Variants in TDP1 observed in about 807,000 individuals in gnomAD.
The protein encoded by TDP1 is tyr-DNA phosphodiesterase 1.
TDP1 carries 64 observed loss-of-function variants against 81.5 expected under a neutral mutation model. The ratio of observed to expected loss-of-function variants is 0.79; its 90% CI spans 0.64 to 0.97. TDP1 has a LOEUF of 0.97. TDP1 is among the 50% of genes least tolerant of loss of function. The pLI, the probability that TDP1 is intolerant of heterozygous loss-of-function variation, is 0.00. For missense variants in TDP1, 723 were observed against 743.8 expected (o/e 0.97, Z 0.33); for synonymous variants, 256 against 264.3 (o/e 0.97, Z 0.30).
At chr14:89,985,354 A>G (rs1895441308) in intron 10 of TDP1, 144 bp downstream of exon 10, 1 of 612,536 alleles carries the variant, frequency 1.6e-6, no homozygotes, top group East Asian at 2.9e-5. Flanking sequence ...GATAATTATA[A>G]TTCTTAGTAA....
Position 89,967,396 on chromosome 14 carries a change from C to A in TDP1, c.633C>A (p.Leu211=). The change falls in exon 5 of 17, where the codon CTC becomes CTA. Residue 211 remains leucine, a synonymous_variant. Coordinates refer to ENST00000335725, the MANE Select transcript of TDP1 (RefSeq NM_018319.4). The part of the protein sequence containing the change: ...QFNYCFDVDW[L]VKQYPPEFRK... ...ACTACTGCTTTGACGTGGACTGGCT[C>A]GTAAAACAGTATCCACCAGAGTTCA... The A allele has an allele frequency of 6.2e-7, 1 of 1,614,004 alleles. No homozygotes were observed. Among genetic ancestry groups the A allele is most frequent in the East Asian group, 2.2e-5 (1 of 44,858 alleles).
chr14:90,005,235 A>G (rs1473331489), intron 14 of TDP1, among the ~76,000 whole-genome samples: 1 of 152,142 alleles, frequency 6.6e-6, no homozygotes. Flanking sequence ...GGGTTGGGCT[A>G]AATCAGTGGA....
At chr14:89,984,763 C>A in intron 9 of TDP1, 80 bp downstream of exon 9, 1 of 1,601,994 alleles carries the variant, frequency 6.2e-7, no homozygotes, top group Non-Finnish European at 8.5e-7. Flanking sequence ...CATGCAGGGG[C>A]CTGGAAAGAG....
At chr14:90,036,809 C>A (rs185318510) in intron 16 of TDP1, among the ~76,000 whole-genome samples, 1 of 139,654 alleles carries the variant, frequency 7.2e-6, no homozygotes, top group Admixed American at 6.7e-5. Context: ...GCCCCTCCCC[C>A]GCCCCTTAAA....
At chr14:90,023,747 A>G (rs1263459446) in intron 15 of TDP1, among the ~76,000 whole-genome samples, 5 of 151,888 alleles carry the variant, frequency 3.3e-5, no homozygotes, top group Non-Finnish European at 7.4e-5. Context: ...GCTGGAGTAC[A>G]GAGCTGCAGT....
intron 3 of TDP1, chr14:89,965,772 G>C: frequency 1.0e-6 from 1 of 985,128 alleles, no homozygotes; most frequent in Non-Finnish European, 1.2e-6. Flanking sequence ...AGTTTTTCTA[G>C]TCTTGAGTTG....
chr14:90,042,887 T>G, intron 16 of TDP1, 183 bp from the exon 17 acceptor site: 1 of 985,436 alleles, frequency 1.0e-6, no homozygotes, highest in Non-Finnish European at 1.2e-6. Flanking sequence ...ACTCACCTAG[T>G]GTCCTAATAG....
Position 90,019,334 on chromosome 14 carries a change from T to G in TDP1, c.1560T>G (p.Ala520=), listed in dbSNP as rs765515977. The change falls in exon 15 of 17, where the codon GCT becomes GCG. Residue 520 remains alanine, a synonymous_variant. Coordinates refer to ENST00000335725, the MANE Select transcript of TDP1 (RefSeq NM_018319.4). ...TCTGCAGCGCAAATCTGTCCAAGGC[T>G]GCCTGGGGAGCATTGGAGAAGAATG... ...FLVTSANLSK[A]AWGALEKNGT... 6.3e-5 allele frequency: 101 copies of G among 1,611,610 alleles called. No homozygotes were observed. The highest frequency in any genetic ancestry group is 8.2e-5 in the Non-Finnish European group (97 of 1,178,012).
intron 3 of TDP1, chr14:89,964,837 C>T (rs1358739843): frequency 1.4e-5 from 6 of 442,658 alleles, no homozygotes; most frequent in Non-Finnish European, 2.3e-5. Context: ...TATATTTTCT[C>T]CTTTAATCCT....
chr14:90,007,282 G>A (rs996124709), intron 14 of TDP1, among the ~76,000 whole-genome samples: 5 of 152,072 alleles, frequency 3.3e-5, no homozygotes, highest in Admixed American at 1.3e-4. Flanking sequence ...TAATTTAACT[G>A]AATTTAAAAT....
chr14:89,986,149 A>C (rs1895529744), intron 10 of TDP1, among the ~76,000 whole-genome samples: 1 of 152,254 alleles, frequency 6.6e-6, no homozygotes, highest in African/African-American at 2.4e-5. Flanking sequence ...ATTTCCTTTT[A>C]TGAAATGAGA....
At chr14:90,029,944 C>A (rs1287365993) in intron 15 of TDP1, among the ~76,000 whole-genome samples, 1 of 152,180 alleles carries the variant, frequency 6.6e-6, no homozygotes, top group African/African-American at 2.4e-5. Context: ...GGAATAAGTA[C>A]CATGGGCCAG....
intron 3 of TDP1, 138 bp downstream of exon 3, chr14:89,963,811 G>A: frequency 1.0e-6 from 1 of 958,760 alleles, no homozygotes; most frequent in Non-Finnish European, 1.6e-6. Context: ...AAAAATTCTT[G>A]ACAGGCAAGT....
At chr14:90,024,476 C>G (rs1023421166) in intron 15 of TDP1, among the ~76,000 whole-genome samples, 8 of 152,182 alleles carry the variant, frequency 5.3e-5, no homozygotes, top group Non-Finnish European at 1.2e-4. Context: ...GAGGCTTTTC[C>G]TAAGTGTCTG....
intron 14 of TDP1, among the ~76,000 whole-genome samples, chr14:89,998,650 G>A (rs1382120074): frequency 6.6e-6 from 1 of 151,546 alleles, no homozygotes; most frequent in Non-Finnish European, 1.5e-5. Flanking sequence ...TAAGGAAGAA[G>A]GTCAGGGAAG....
rs1388198096 is a variant in TDP1, at chr14:90,043,918, A to T, written c.*775A>T. 3 of 152,214 alleles carry T rather than the reference A, an allele frequency of 2.0e-5. No homozygotes were observed. The highest frequency in any genetic ancestry group is 2.1e-4 in the South Asian group (1 of 4,810). 9.4% of individuals were successfully genotyped at this position (152,214 alleles called of 1,614,324 possible). A position where few individuals can be genotyped will look rare whatever the true frequency, so the allele number is the denominator to read the frequency against. Reference sequence around the variant, plus strand: ...AACACGATCATTTCCTTTTTCACCGATGCCCTCTCTCAGCTTTCTGAGTAC... The same window carrying T: ...AACACGATCATTTCCTTTTTCACCGTTGCCCTCTCTCAGCTTTCTGAGTAC... On this transcript the variant is annotated 3_prime_UTR_variant, in exon 17 of 17. Transcript: ENST00000335725.
chr14:90,003,024 G>A (rs1311686091), intron 14 of TDP1, among the ~76,000 whole-genome samples: 3 of 152,088 alleles, frequency 2.0e-5, no homozygotes, highest in African/African-American at 2.4e-5. Flanking sequence ...TGCAACCTCC[G>A]CCTCCCGGGT....
intron 11 of TDP1, chr14:89,989,365 T>C (rs1262081291): frequency 1.0e-6 from 1 of 985,238 alleles, no homozygotes; most frequent in East Asian, 1.1e-4. Context: ...TATCCTTTCT[T>C]TCAGGTTGTT....
chr14:90,021,561 T>C (rs1271545850), intron 15 of TDP1, among the ~76,000 whole-genome samples: 1 of 152,220 alleles, frequency 6.6e-6, no homozygotes, highest in Non-Finnish European at 1.5e-5. Flanking sequence ...TTCTGAGCTA[T>C]TCATTTTTTA....
Sources: allele counts gnomAD v4.1 joint callset (sites outside exome capture counted in the v4.1 genomes callset), GRCh38; gene constraint gnomAD v4.1.1; transcripts MANE v1.5; gene names NCBI Gene and HGNC (gene_info 2026-07-23, HGNC 2026-07-21).